Variants in IL1RAP observed in about 807,000 individuals in gnomAD.
The protein encoded by IL1RAP is interleukin 1 receptor accessory protein, also known as interleukin-1 receptor accessory protein.
Under a neutral mutation model 60.7 loss-of-function variants are expected in IL1RAP, and 35 were observed. The ratio of observed to expected loss-of-function variants is 0.58; its 90% confidence interval spans 0.44 to 0.76. IL1RAP has a LOEUF of 0.76. Ranked by LOEUF, IL1RAP falls within the 30% of genes least tolerant of loss-of-function variation. The pLI is 0.00. For synonymous variants in IL1RAP, 268 were observed against 250.9 expected (o/e 1.07, Z -0.64); for missense variants, 572 against 693.9 (o/e 0.82, Z 1.97).
At chr3:190,616,268 T>G (rs1423418218) in intron 5 of IL1RAP, among the ~76,000 whole-genome samples, 1 of 152,146 alleles carries the variant, frequency 6.6e-6, no homozygotes. Flanking sequence ...CTGTAGTAAG[T>G]AGTGACCACT....
intron 1 of IL1RAP, among the ~76,000 whole-genome samples, chr3:190,548,691 C>A (rs1724592632): frequency 6.6e-6 from 1 of 152,000 alleles, no homozygotes; most frequent in Non-Finnish European, 1.5e-5. Flanking sequence ...AGGTATCTAC[C>A]CAGAGGTTTT....
rs1288207046 is a variant in IL1RAP at position 190,564,302 on chromosome 3, T to C, written c.13T>C (p.Trp5Arg). The C allele has an allele frequency of 3.1e-6, 5 of 1,609,490 alleles. No individual in the cohort carries two copies. In the South Asian group the frequency reaches 3.3e-5, roughly 11 times the overall value. The stretch of plus-strand genomic sequence containing the variant: ...TTATGGTTACAGGATGACACTTCTG[T>C]GGTGTGTAGTGAGTCTCTACTTTTA... MTLL[W>R]CVVSLYFYGI... The change falls in exon 3 of 12, where the codon TGG (tryptophan) becomes CGG (arginine). Residue 5 changes from tryptophan to arginine, a missense_variant. By Grantham distance (101) the Trp-to-Arg change is moderately radical. Transcript: ENST00000447382.
At chr3:190,641,305 A>T (rs915939036) in intron 9 of IL1RAP, among the ~76,000 whole-genome samples, 3 of 152,178 alleles carry the variant, frequency 2.0e-5, no homozygotes, top group African/African-American at 7.2e-5. Flanking sequence ...CATCAGAGTG[A>T]AATCTTTTTG....
At chr3:190,516,285 A>G (rs1214909100) in intron 1 of IL1RAP, 2 of 152,442 alleles carry the variant, frequency 1.3e-5, no homozygotes, top group African/African-American at 2.4e-5. Context: ...TGTTCCATGT[A>G]CATGCATTGT....
intron 3 of IL1RAP, among the ~76,000 whole-genome samples, chr3:190,575,748 G>T (rs1436862824): frequency 6.6e-6 from 1 of 152,220 alleles, no homozygotes; most frequent in Non-Finnish European, 1.5e-5. Context: ...ATCCAGCTAA[G>T]GTATTAAATG....
In IL1RAP at chr3:190,604,131, G is replaced by T; in HGVS notation, c.68G>T (p.Arg23Leu). The T allele has an allele frequency of 3.1e-6, 5 of 1,613,358 alleles. No individual in the cohort carries two copies. Among genetic ancestry groups the T allele is most frequent in the Non-Finnish European group, 4.2e-6 (5 of 1,179,736 alleles). The change falls in exon 4 of 12, where the codon CGC becomes CTC. Residue 23 changes from arginine to leucine, a missense_variant. Transcript: ENST00000447382. Reference protein sequence around the residue: ...YGILQSDASERCDDWGLDTMR... With the variant: ...YGILQSDASELCDDWGLDTMR... Reference sequence around the variant, plus strand: ...CTTTCTTTTTTGATTATTCCAGAACGCTGCGATGACTGGGGACTAGACACC... The same window carrying T: ...CTTTCTTTTTTGATTATTCCAGAACTCTGCGATGACTGGGGACTAGACACC...
At chr3:190,524,510 G>T (rs917853194) in intron 1 of IL1RAP, among the ~76,000 whole-genome samples, 3 of 152,140 alleles carry the variant, frequency 2.0e-5, no homozygotes, top group African/African-American at 7.2e-5. Flanking sequence ...TTTTACGTAT[G>T]ATGTAAGGAA....
intron 3 of IL1RAP, among the ~76,000 whole-genome samples, chr3:190,578,319 C>T (rs1727679670): frequency 6.6e-6 from 1 of 152,086 alleles, no homozygotes; most frequent in Non-Finnish European, 1.5e-5. Context: ...CTGTTGTATT[C>T]CTCGGGATGG....
At chr3:190,546,152 T>A (rs902660846) in intron 1 of IL1RAP, among the ~76,000 whole-genome samples, 11 of 152,040 alleles carry the variant, frequency 7.2e-5, no homozygotes, top group African/African-American at 2.7e-4. Flanking sequence ...CAGCCCAGGG[T>A]TTTAAGGGAC....
intron 1 of IL1RAP, among the ~76,000 whole-genome samples, chr3:190,526,237 G>A (rs1722496833): frequency 6.6e-6 from 1 of 152,176 alleles, no homozygotes; most frequent in Admixed American, 6.5e-5. Context: ...TATGTGGCAG[G>A]TGAAGTTATA....
At chr3:190,635,956 A>G (rs1452508528) in intron 9 of IL1RAP, among the ~76,000 whole-genome samples, 1 of 152,142 alleles carries the variant, frequency 6.6e-6, no homozygotes, top group Non-Finnish European at 1.5e-5. Flanking sequence ...TTCAGGTTCA[A>G]TTTCCAGGGT....
At chr3:190,570,505 G>A (rs1312245193) in intron 3 of IL1RAP, among the ~76,000 whole-genome samples, 1 of 152,010 alleles carries the variant, frequency 6.6e-6, no homozygotes, top group Admixed American at 6.6e-5. Flanking sequence ...AATAGTTTAA[G>A]GCTCTTATCC....
At chr3:190,558,583 G>A (rs1242307767) in intron 2 of IL1RAP, among the ~76,000 whole-genome samples, 2 of 152,112 alleles carry the variant, frequency 1.3e-5, no homozygotes, top group African/African-American at 2.4e-5. Context: ...TTTGCATATC[G>A]TTTTGGTAAA....
intron 9 of IL1RAP, among the ~76,000 whole-genome samples, chr3:190,635,381 C>CT (rs1733140853): frequency 6.6e-6 from 1 of 151,978 alleles, no homozygotes; most frequent in Non-Finnish European, 1.5e-5. Flanking sequence ...TTATTTTCCT[C>CT]TTTTTGCATA....
At chr3:190,623,206 A>T (rs1305926336) in intron 6 of IL1RAP, 138 bp from the exon 7 acceptor site, 1 of 640,744 alleles carries the variant, frequency 1.6e-6, no homozygotes, top group Admixed American at 2.6e-5. Flanking sequence ...GTAATTGAGT[A>T]TATCTTGGAC....
In IL1RAP at chr3:190,644,518, C is replaced by G. The variant is rs1733874917; in HGVS notation, c.1201+121C>G. The stretch of plus-strand genomic sequence containing the variant: ...ACCTAGATTAACTGGAAGATTTAAG[C>G]AGATTAACTTTAATTTCAACCGTTG... On this transcript the variant is annotated intron_variant, in intron 10 of 11. Transcript: ENST00000447382. 4 of 745,140 alleles carry G rather than the reference C, an allele frequency of 5.4e-6. No homozygotes were observed. The East Asian group carries it at 1.1e-4, about 20-fold the overall frequency. The allele number at this position is 745,140 out of a possible 1,614,324, so 46.2% of individuals were successfully genotyped here. A position where few individuals can be genotyped will look rare whatever the true frequency, so the allele number is the denominator to read the frequency against.
In IL1RAP at chr3:190,644,296, C is replaced by T. The variant is rs766873173; in HGVS notation, c.1100C>T (p.Thr367Ile). The T allele has an allele frequency of 8.1e-6, 13 of 1,613,800 alleles. No homozygotes were observed. Among genetic ancestry groups the T allele is most frequent in the East Asian group, 2.2e-5 (1 of 44,860 alleles). ...GAACTGGCTTGTGGTTTTGGAGCCACAGTCCTGCTAGTGGTGATTCTCATT... is the reference window on the plus strand; with the variant it reads ...GAACTGGCTTGTGGTTTTGGAGCCATAGTCCTGCTAGTGGTGATTCTCATT... ...TVELACGFGA[T>I]VLLVVILIVV... The change falls in exon 10 of 12, where the codon ACA (threonine) becomes ATA (isoleucine). Residue 367 changes from threonine (T) to isoleucine (I), a missense_variant. Physicochemically the swap from Thr to Ile is moderately conservative, Grantham distance 89. Coordinates refer to ENST00000447382, the MANE Select transcript of IL1RAP (RefSeq NM_002182.4).
chr3:190,650,631 T>C lies in IL1RAP; in HGVS notation c.*1926T>C. 1.2e-6 allele frequency: 1 copy of C among 866,072 alleles called. No individual in the cohort carries two copies. The highest frequency in any genetic ancestry group is 1.4e-6 in the Non-Finnish European group (1 of 721,324). 53.6% of individuals were successfully genotyped at this position (866,072 alleles called of 1,614,324 possible). ...ATAATAAATCATTTCCCTCTATAAG[T>C]GTTATTGATTATTTTAAATTGAAAA... On this transcript the variant is annotated 3_prime_UTR_variant, in exon 12 of 12. Transcript: ENST00000447382.
downstream of IL1RAP, among the ~76,000 whole-genome samples, chr3:190,654,714 G>A (rs1734553299): frequency 6.6e-6 from 1 of 152,156 alleles, no homozygotes; most frequent in Non-Finnish European, 1.5e-5. Context: ...AACTCTCTCC[G>A]TTACTGTTTC....
Sources: allele counts gnomAD v4.1 joint callset (sites outside exome capture counted in the v4.1 genomes callset), GRCh38; gene constraint gnomAD v4.1.1; transcripts MANE v1.5; gene names NCBI Gene and HGNC (gene_info 2026-07-23, HGNC 2026-07-21).